CCNL2: variants seen among roughly 807,000 people sequenced by gnomAD.
The protein encoded by CCNL2 is cyclin-L2.
In CCNL2, 28 loss-of-function variants were observed where a neutral mutation model predicts 59.1. The ratio of observed to expected loss-of-function variants is 0.47; its 90% CI spans 0.35 to 0.65. CCNL2 has a LOEUF of 0.65. Among genes scored for constraint, CCNL2 ranks in the 30% least tolerant of loss-of-function variants. The pLI, the probability that CCNL2 is intolerant of heterozygous loss-of-function variation, is 0.00. For missense variants in CCNL2, 714 were observed against 717.4 expected (o/e 1.00, Z 0.05); for synonymous variants, 342 against 288.6 (o/e 1.19, Z -1.88).
intron 5 of CCNL2, chr1:1,391,527 T>C: frequency 7.7e-7 from 1 of 1,304,738 alleles, no homozygotes; most frequent in Non-Finnish European, 1.0e-6. Context: ...GCAGGCCTCT[T>C]CTCGGGCTCA....
intron 3 of CCNL2, among the ~76,000 whole-genome samples, chr1:1,397,688 C>T (rs1645117029): frequency 6.6e-6 from 1 of 152,072 alleles, no homozygotes; most frequent in Non-Finnish European, 1.5e-5. Flanking sequence ...ACAGCATGAC[C>T]CCATCTTTAC....
chr1:1,399,002 C>T lies in CCNL2; in HGVS notation c.288+17G>A. On this transcript the variant is annotated intron_variant, in intron 1 of 10. Transcript: ENST00000400809. ...CCAGCGGTTACCTGGGCCGGAGGCTCGCGGCCGCGCCCTCACCTGCGGCAG... is the reference window on the plus strand; with the variant it reads ...CCAGCGGTTACCTGGGCCGGAGGCTTGCGGCCGCGCCCTCACCTGCGGCAG... 1 of 1,580,962 alleles carries T rather than the reference C, an allele frequency of 6.3e-7. No individual in the cohort carries two copies. The highest frequency in any genetic ancestry group is 1.1e-5 in the South Asian group (1 of 88,146).
rs1283936077 is a variant in CCNL2 at position 1,390,130 on chromosome 1, AAAAT to A, written c.1006+96_1006+99del. On this transcript the variant is annotated intron_variant, in intron 8 of 10. Coordinates refer to ENST00000400809, the MANE Select transcript of CCNL2 (RefSeq NM_030937.6). Reference sequence around the variant, plus strand: ...CCCTGTCTCAAAAAAAAAAAAAAAAAAAATGTCTGGAAGGAGCACATACCCCAGA... The same window carrying A: ...CCCTGTCTCAAAAAAAAAAAAAAAAAGTCTGGAAGGAGCACATACCCCAGA... 20 of 1,221,518 alleles carry A rather than the reference AAAAT, an allele frequency of 1.6e-5. No individual in the cohort carries two copies. The Admixed American group carries it at 2.2e-4, about 14-fold the overall frequency. The allele number at this position is 1,221,518 out of a possible 1,614,324, so 75.7% of individuals were successfully genotyped here. A position where few individuals can be genotyped will look rare whatever the true frequency, so the allele number is the denominator to read the frequency against.
chr1:1,398,745 C>T (rs1431645342), intron 1 of CCNL2, 74 bp from the exon 2 acceptor site: 8 of 1,369,042 alleles, frequency 5.8e-6, no homozygotes, highest in Middle Eastern at 2.0e-4. Flanking sequence ...CATCGAGTAA[C>T]GTGGGACTCC....
chr1:1,393,314 C>T (rs1644846496), intron 5 of CCNL2, 82 bp downstream of exon 5: 1 of 1,136,170 alleles, frequency 8.8e-7, no homozygotes. Context: ...ACTGGGCTGC[C>T]TACCCACTGC....
Position 1,398,085 on chromosome 1 carries a change from T to C in CCNL2, c.473+148A>G, listed in dbSNP as rs572151753. Reference sequence around the variant, plus strand: ...TCTACTGATGCCTCTGAGCAGGCTCTGTTGGTGGAGCTTGAGACTGCGCTC... The same window carrying C: ...TCTACTGATGCCTCTGAGCAGGCTCCGTTGGTGGAGCTTGAGACTGCGCTC... On this transcript the variant is annotated intron_variant, in intron 3 of 10. Transcript: ENST00000400809. 6.6e-5 allele frequency: 47 copies of C among 715,346 alleles called. No individual in the cohort carries two copies. The Admixed American group carries it at 7.1e-4, about 11-fold the overall frequency. 44.3% of individuals were successfully genotyped at this position (715,346 alleles called of 1,614,324 possible). A position where few individuals can be genotyped will look rare whatever the true frequency, so the allele number is the denominator to read the frequency against.
chr1:1,395,306 G>C, intron 4 of CCNL2, 88 bp downstream of exon 4: 3 of 1,483,236 alleles, frequency 2.0e-6, no homozygotes, highest in East Asian at 2.3e-5. Flanking sequence ...GTCCTCTTCA[G>C]AGCCTTCAAC....
In CCNL2 at chr1:1,387,164, G is replaced by A. The variant is rs767930216; in HGVS notation, c.*67C>T. The A allele has an allele frequency of 4.6e-5, 62 of 1,362,578 alleles. No individual in the cohort carries two copies. Among genetic ancestry groups the A allele is most frequent in the Non-Finnish European group, 6.0e-5 (59 of 986,298 alleles). The allele number at this position is 1,362,578 out of a possible 1,614,324, so 84.4% of individuals were successfully genotyped here. On this transcript the variant is annotated 3_prime_UTR_variant, in exon 11 of 11. Coordinates refer to ENST00000400809, the MANE Select transcript of CCNL2 (RefSeq NM_030937.6). ...GGGGGTCAAAGGGCAGCCACCGGGGGTCAAAGGGCAGCCATCAGGTACTCC... is the reference window on the plus strand; with the variant it reads ...GGGGGTCAAAGGGCAGCCACCGGGGATCAAAGGGCAGCCATCAGGTACTCC...
chr1:1,396,190 G>GAAA (rs1285948344), intron 3 of CCNL2, among the ~76,000 whole-genome samples: 141 of 62,716 alleles, frequency 2.2e-3, no homozygotes, highest in African/African-American at 6.4e-3. Flanking sequence ...GTCCGTCTCA[G>GAAA]AAAAAAAAAA....
chr1:1,392,550 C>A (rs1644816114), intron 5 of CCNL2: 1 of 1,381,572 alleles, frequency 7.2e-7, no homozygotes, highest in African/African-American at 1.5e-5. Context: ...TTTAAAGGGA[C>A]AAAATTCAAG....
chr1:1,398,514 C>A, intron 2 of CCNL2, 83 bp downstream of exon 2: 1 of 1,579,286 alleles, frequency 6.3e-7, no homozygotes, highest in Non-Finnish European at 8.7e-7. Flanking sequence ...CAAGTACTCA[C>A]TCCCTTAGTA....
intron 1 of CCNL2, 111 bp downstream of exon 1, chr1:1,398,908 G>T: frequency 6.9e-7 from 1 of 1,443,030 alleles, no homozygotes; most frequent in Non-Finnish European, 9.1e-7. Flanking sequence ...GTCGGGGCAG[G>T]GGCTGGGGTC....
rs954653076 is a variant in CCNL2, at chr1:1,392,335, G to A, written c.659+1061C>T. The A allele has an allele frequency of 5.0e-6, 5 of 1,003,322 alleles. No homozygotes were observed. The Admixed American group carries it at 1.7e-4, about 35-fold the overall frequency. The allele number at this position is 1,003,322 out of a possible 1,614,324, so 62.2% of individuals were successfully genotyped here. ...TTGAAGTGATACAATATTTTTCAAAGTATCCATGAAATAATTTAAAGATGC... is the reference window on the plus strand; with the variant it reads ...TTGAAGTGATACAATATTTTTCAAAATATCCATGAAATAATTTAAAGATGC... On this transcript the variant is annotated intron_variant, in intron 5 of 10. Coordinates refer to ENST00000400809, the MANE Select transcript of CCNL2 (RefSeq NM_030937.6).
intron 3 of CCNL2, among the ~76,000 whole-genome samples, chr1:1,396,457 G>A (rs1354754515): frequency 1.3e-5 from 2 of 151,492 alleles, no homozygotes; most frequent in Non-Finnish European, 2.9e-5. Context: ...GTAGAGATGG[G>A]GTTTCTACAT....
At chr1:1,396,574 T>G (rs1030602903) in intron 3 of CCNL2, among the ~76,000 whole-genome samples, 8 of 117,046 alleles carry the variant, frequency 6.8e-5, no homozygotes, top group Non-Finnish European at 1.0e-4. Context: ...CAAGGCTGTT[T>G]TTTTTTTTTT....
chr1:1,392,562 C>T, intron 5 of CCNL2: 1 of 1,398,420 alleles, frequency 7.2e-7, no homozygotes, highest in Non-Finnish European at 9.2e-7. Flanking sequence ...AAATTCAAGT[C>T]AAGACAGTTA....
chr1:1,388,132 G>A, intron 8 of CCNL2, 67 bp from the exon 9 acceptor site: 1 of 1,338,694 alleles, frequency 7.5e-7, no homozygotes, highest in Non-Finnish European at 1.1e-6. Flanking sequence ...CAAGTTCGTA[G>A]AGCGAGATAA....
Position 1,398,681 on chromosome 1 carries a change from A to G in CCNL2, c.289-10T>C. On this transcript the variant is annotated splice_polypyrimidine_tract_variant and intron_variant, in intron 1 of 10. Transcript: ENST00000400809. ...CGGTAGCCATGGCCACCTAGAGTAG[A>G]AGAAAGTTTCCGTATTTTCAAACGC... 1 of 1,612,928 alleles carries G rather than the reference A, an allele frequency of 6.2e-7. No individual in the cohort carries two copies. The highest frequency in any genetic ancestry group is 1.1e-5 in the South Asian group (1 of 91,042).
Position 1,387,081 on chromosome 1 carries a change from C to G in CCNL2, c.*150G>C. 2 of 618,348 alleles carry G rather than the reference C, an allele frequency of 3.2e-6. No individual in the cohort carries two copies. Among genetic ancestry groups the G allele is most frequent in the Non-Finnish European group, 5.5e-6 (2 of 360,534 alleles). The allele number at this position is 618,348 out of a possible 1,614,324, so 38.3% of individuals were successfully genotyped here. On this transcript the variant is annotated 3_prime_UTR_variant, in exon 11 of 11. Transcript: ENST00000400809. ...ATTTCCAAATCCACCAAGGTCCAGT[C>G]GACAGACATTTCCAAAAAGAATCCT...
Sources: gnomAD v4.1 joint callset for allele counts (sites outside exome capture counted in the v4.1 genomes callset) on GRCh38, gnomAD v4.1.1 for gene constraint, MANE v1.5 for transcripts, NCBI Gene and HGNC (gene_info 2026-07-23, HGNC 2026-07-21) for gene names.